Variants in FCHSD2 observed in about 807,000 individuals in gnomAD.
FCHSD2 encodes the protein F-BAR and double SH3 domains protein 2.
Under a neutral mutation model 108.1 loss-of-function variants are expected in FCHSD2, and 38 were observed. The ratio of observed to expected loss-of-function variants is 0.35; its 90% CI spans 0.27 to 0.46. The LOEUF (loss-of-function observed/expected upper bound fraction) is 0.46, where lower values mean the gene tolerates loss of function less well. Among genes scored for constraint, FCHSD2 ranks in the 20% least tolerant of loss-of-function variants. FCHSD2 has a pLI of 1.00. For synonymous variants in FCHSD2, 279 were observed against 314.7 expected (o/e 0.89, Z 1.20); for missense variants, 751 against 897.8 (o/e 0.84, Z 2.09).
chr11:73,097,633 T>C (rs549141327), intron 2 of FCHSD2, among the ~76,000 whole-genome samples: 3,143 of 149,096 alleles, frequency 0.021, 109 homozygotes, highest in African/African-American at 0.073. Flanking sequence ...TTTTTTTTTT[T>C]CTAATTACTG....
rs533952669 is a variant in FCHSD2 at position 73,023,709 on chromosome 11, G to A, written c.166-7824C>T. 2.0e-5 allele frequency among the ~76,000 whole-genome samples: 3 copies of A among 152,288 alleles called. No individual in the cohort carries two copies. In the East Asian group the frequency reaches 5.8e-4, roughly 29 times the overall value. On this transcript the variant is annotated intron_variant, in intron 3 of 19. Coordinates refer to ENST00000409418, the MANE Select transcript of FCHSD2 (RefSeq NM_014824.3). ...AAAACTTAGGTTCACAAAAAAACCT[G>A]AGCACAAATGCTTCTGGCAGCTTTA...
chr11:72,864,780 G>A (rs1229136165), intron 13 of FCHSD2, among the ~76,000 whole-genome samples: 1 of 152,082 alleles, frequency 6.6e-6, no homozygotes, highest in Non-Finnish European at 1.5e-5. Flanking sequence ...TTGTCATCTT[G>A]GTATGGCTTT....
At chr11:73,070,918 T>G (rs925247172) in intron 3 of FCHSD2, among the ~76,000 whole-genome samples, 2 of 152,098 alleles carry the variant, frequency 1.3e-5, no homozygotes, top group Non-Finnish European at 2.9e-5. Flanking sequence ...TTAGTTTGAT[T>G]CAGAAGTAAA....
chr11:73,131,334 G>A (rs1219653377), intron 2 of FCHSD2, among the ~76,000 whole-genome samples: 1 of 150,532 alleles, frequency 6.6e-6, no homozygotes, highest in Non-Finnish European at 1.5e-5. Flanking sequence ...TGGCTAACAC[G>A]GTGAAACCCC....
At position 72,985,062 on chromosome 11, in the gene FCHSD2, C is replaced by T. The variant is rs762881070; in HGVS notation, c.576G>A (p.Lys192=). The change falls in exon 7 of 20, where the codon AAG becomes AAA. Residue 192 remains lysine (K), a splice_region_variant and synonymous_variant. Coordinates refer to ENST00000409418, the MANE Select transcript of FCHSD2 (RefSeq NM_014824.3). ...SRISLQKASV[K]LKARRSECNS... Reference sequence around the variant, plus strand: ...TGAAATACACTTATTGAAAACTTACCTTTACACTTGCCTTCTGTAAACTGA... The same window carrying T: ...TGAAATACACTTATTGAAAACTTACTTTTACACTTGCCTTCTGTAAACTGA... 4 of 1,225,892 alleles carry T rather than the reference C, an allele frequency of 3.3e-6. No individual in the cohort carries two copies. In the South Asian group the frequency reaches 3.9e-5, roughly 12 times the overall value. 75.9% of individuals were successfully genotyped at this position (1,225,892 alleles called of 1,614,324 possible). A position where few individuals can be genotyped will look rare whatever the true frequency, so the allele number is the denominator to read the frequency against.
At chr11:73,044,359 C>T (rs1858707432) in intron 3 of FCHSD2, among the ~76,000 whole-genome samples, 1 of 152,136 alleles carries the variant, frequency 6.6e-6, no homozygotes, top group South Asian at 2.1e-4. Flanking sequence ...AGGAGTATCG[C>T]TTGAGCCCAG....
At position 72,864,549 on chromosome 11, in the gene FCHSD2, A is replaced by C. The variant is rs551499677; in HGVS notation, c.1308+3316T>G. On this transcript the variant is annotated intron_variant, in intron 13 of 19. Transcript: ENST00000409418. ...CGATAGAGGGAGACCATCTCCAAAC[A>C]AACAAAAATACACATTATGTTGTAC... Among the ~76,000 whole-genome samples, 4 of 152,344 alleles carry C rather than the reference A, an allele frequency of 2.6e-5. No homozygotes were observed. The South Asian group carries it at 8.3e-4, about 32-fold the overall frequency.
intron 13 of FCHSD2, 142 bp from the exon 14 acceptor site, chr11:72,850,031 C>T (rs2135169703): frequency 2.3e-6 from 1 of 439,772 alleles, no homozygotes; most frequent in Non-Finnish European, 4.0e-6. Flanking sequence ...TTCGCACTTA[C>T]ATTTTTCATG....
At chr11:73,009,832 CTCTT>C (rs1012362417) in intron 4 of FCHSD2, among the ~76,000 whole-genome samples, 2 of 151,912 alleles carry the variant, frequency 1.3e-5, no homozygotes, top group Admixed American at 6.6e-5. Context: ...TTTGAATTCT[CTCTT>C]TGTCTTTGAT....
intron 8 of FCHSD2, among the ~76,000 whole-genome samples, chr11:72,951,484 GGCATTTAGC>G (rs1856619352): frequency 1.3e-5 from 2 of 152,144 alleles, no homozygotes; most frequent in Admixed American, 6.6e-5. Flanking sequence ...TACAAGGCTT[GGCATTTAGC>G]TCAATAAATG....
At chr11:73,057,975 G>A (rs1017848766) in intron 3 of FCHSD2, among the ~76,000 whole-genome samples, 1 of 151,934 alleles carries the variant, frequency 6.6e-6, no homozygotes, top group African/African-American at 2.4e-5. Flanking sequence ...CGCCTCCCGG[G>A]TTCACGCCAT....
chr11:72,959,227 T>C, intron 8 of FCHSD2, among the ~76,000 whole-genome samples: 1 of 107,658 alleles, frequency 9.3e-6, no homozygotes, highest in African/African-American at 4.6e-5. Flanking sequence ...AGTCTTTTTT[T>C]TTTTTTTTTT....
intron 9 of FCHSD2, among the ~76,000 whole-genome samples, chr11:72,914,868 G>A (rs373288395): frequency 3.3e-5 from 5 of 150,546 alleles, no homozygotes; most frequent in African/African-American, 1.2e-4. Context: ...TGCAACAAAA[G>A]CAAAAATTGA....
intron 13 of FCHSD2, among the ~76,000 whole-genome samples, chr11:72,855,092 G>A (rs922572122): frequency 1.4e-4 from 21 of 152,282 alleles, no homozygotes; most frequent in African/African-American, 5.1e-4. Flanking sequence ...TGACCAACAT[G>A]GAGAAACCCT....
chr11:72,913,826 A>C (rs554372238), intron 9 of FCHSD2, among the ~76,000 whole-genome samples: 2,315 of 69,362 alleles, frequency 0.033, 61 homozygotes, highest in African/African-American at 0.1. Context: ...AAAAAACCCA[A>C]AAAAAAAACA....
chr11:72,937,431 T>G (rs1235289441), intron 8 of FCHSD2, among the ~76,000 whole-genome samples: 1 of 152,224 alleles, frequency 6.6e-6, no homozygotes, highest in African/African-American at 2.4e-5. Context: ...TTAGTGTTAA[T>G]TCAGTAAACA....
chr11:73,084,349 C>G (rs952021423), intron 2 of FCHSD2, among the ~76,000 whole-genome samples: 1 of 152,142 alleles, frequency 6.6e-6, no homozygotes, highest in African/African-American at 2.4e-5. Context: ...ACTTTCCATA[C>G]ATGTATTATA....
At chr11:72,913,691 A>C (rs1855809898) in intron 9 of FCHSD2, among the ~76,000 whole-genome samples, 1 of 152,082 alleles carries the variant, frequency 6.6e-6, no homozygotes, top group African/African-American at 2.4e-5. Flanking sequence ...TTCTGATTTT[A>C]TTTATTTGGT....
intron 8 of FCHSD2, among the ~76,000 whole-genome samples, chr11:72,928,766 C>A (rs1392855759): frequency 6.6e-6 from 1 of 152,056 alleles, no homozygotes; most frequent in Non-Finnish European, 1.5e-5. Flanking sequence ...TACATGTGCA[C>A]AACGTGCAGG....
Sources: allele counts gnomAD v4.1 joint callset (sites outside exome capture counted in the v4.1 genomes callset), GRCh38; gene constraint gnomAD v4.1.1; transcripts MANE v1.5; gene names NCBI Gene and HGNC (gene_info 2026-07-23, HGNC 2026-07-21).